GALNT14: variants seen among roughly 807,000 people sequenced by gnomAD.
GALNT14 encodes polypeptide N-acetylgalactosaminyltransferase 14, also known as UDP-GalNAc:polypeptide N-acetylgalactosaminyltransferase 14.
In GALNT14, 60 loss-of-function variants were observed where a neutral mutation model predicts 77.5. The ratio of observed to expected loss-of-function variants is 0.77; its 90% CI spans 0.63 to 0.96. GALNT14 has a LOEUF of 0.96. Among genes scored for constraint, GALNT14 ranks in the 40% least tolerant of loss-of-function variants. The probability of loss-of-function intolerance (pLI) is 0.00; values close to 1 mark genes in which losing one functional copy is unlikely to be tolerated. For synonymous variants in GALNT14, 280 were observed against 281.7 expected (o/e 0.99, Z 0.06); for missense variants, 710 against 731.0 (o/e 0.97, Z 0.33).
intron 10 of GALNT14, 112 bp from the exon 11 acceptor site, chr2:30,929,599 G>GTGTT: frequency 1.4e-6 from 1 of 730,004 alleles, no homozygotes; most frequent in Non-Finnish European, 2.4e-6. Flanking sequence ...CACCTAGGTG[G>GTGTT]GGGCCACCAT....
intron 3 of GALNT14, 42 bp downstream of exon 3, chr2:30,966,162 G>A (rs1667990056): frequency 6.6e-7 from 1 of 1,517,018 alleles, no homozygotes; most frequent in Non-Finnish European, 9.1e-7. Flanking sequence ...GTCACCAAGT[G>A]CTGGCCCAGA....
At chr2:31,054,642 T>C (rs1298981142) in intron 1 of GALNT14, among the ~76,000 whole-genome samples, 1 of 152,202 alleles carries the variant, frequency 6.6e-6, no homozygotes, top group Admixed American at 6.5e-5. Context: ...TTGAATGTCA[T>C]AACAGGTCAC....
At chr2:30,990,645 G>C (rs1299874667) in intron 2 of GALNT14, among the ~76,000 whole-genome samples, 1 of 152,194 alleles carries the variant, frequency 6.6e-6, no homozygotes, top group African/African-American at 2.4e-5. Context: ...TGCTAGCCTG[G>C]GGCTTTGCAC....
chr2:30,895,720 G>C, the GALNT14 span, among the ~76,000 whole-genome samples: 2 of 152,048 alleles, frequency 1.3e-5, no homozygotes, highest in East Asian at 3.9e-4. Context: ...TGTGCCCCTT[G>C]TTCTCAAGCA....
At chr2:30,997,756 A>G (rs1670125944) in intron 1 of GALNT14, among the ~76,000 whole-genome samples, 1 of 152,238 alleles carries the variant, frequency 6.6e-6, no homozygotes, top group South Asian at 2.1e-4. Flanking sequence ...GTTTTGTTAC[A>G]TGTAGACACT....
chr2:31,123,757 C>T (rs1370963893), intron 1 of GALNT14, among the ~76,000 whole-genome samples: 7 of 152,130 alleles, frequency 4.6e-5, no homozygotes, highest in African/African-American at 7.2e-5. Flanking sequence ...TGCAGAACAA[C>T]GCCTGGTAAA....
intron 1 of GALNT14, among the ~76,000 whole-genome samples, chr2:31,090,481 CTTTTTTTTTTTTT>C (rs70962302): frequency 6.4e-5 from 6 of 93,258 alleles, no homozygotes; most frequent in African/African-American, 1.3e-4. Context: ...GTCCCTTCAT[CTTTTTTTTTTTTT>C]TTTTTTTTTT....
At chr2:30,887,750 G>C in the GALNT14 span, among the ~76,000 whole-genome samples, 2 of 152,126 alleles carry the variant, frequency 1.3e-5, no homozygotes, top group Non-Finnish European at 2.9e-5. Flanking sequence ...TGTTGCTCAT[G>C]CTTTTGATGT....
At chr2:30,961,321 A>G (rs925902167) in intron 3 of GALNT14, among the ~76,000 whole-genome samples, 2 of 152,198 alleles carry the variant, frequency 1.3e-5, no homozygotes, top group Admixed American at 1.3e-4. Context: ...CGCTCCATAA[A>G]TACCAGTAGA....
At chr2:31,136,264 C>CACCCACAAGA (rs1679225262) in intron 1 of GALNT14, among the ~76,000 whole-genome samples, 2 of 149,914 alleles carry the variant, frequency 1.3e-5, no homozygotes, top group African/African-American at 5.1e-5. Context: ...CCTCCCTAAA[C>CACCCACAAGA]TTTATCCCTC....
intron 1 of GALNT14, among the ~76,000 whole-genome samples, chr2:31,071,651 G>T (rs577549704): frequency 2.0e-5 from 3 of 152,170 alleles, no homozygotes; most frequent in African/African-American, 7.2e-5. Context: ...CCAGGAATCT[G>T]CCCCCCGGTT....
At chr2:31,079,344 T>G (rs1435294010) in intron 1 of GALNT14, among the ~76,000 whole-genome samples, 2 of 152,202 alleles carry the variant, frequency 1.3e-5, no homozygotes, top group Admixed American at 1.3e-4. Flanking sequence ...TGCACCTGAA[T>G]GTGTGTTCAG....
chr2:30,939,724 T>C (rs974065020), intron 9 of GALNT14, among the ~76,000 whole-genome samples: 2 of 152,110 alleles, frequency 1.3e-5, no homozygotes, highest in Admixed American at 1.3e-4. Flanking sequence ...CTGAGGGCAG[T>C]TGATCTGCAG....
intron 6 of GALNT14, among the ~76,000 whole-genome samples, chr2:30,950,072 T>C (rs1182674703): frequency 3.3e-5 from 5 of 152,198 alleles, no homozygotes; most frequent in Non-Finnish European, 5.9e-5. Context: ...AGACAAATTA[T>C]TATTTGCAAA....
intron 2 of GALNT14, among the ~76,000 whole-genome samples, chr2:30,979,253 G>T (rs903484667): frequency 6.6e-6 from 1 of 152,220 alleles, no homozygotes; most frequent in African/African-American, 2.4e-5. Context: ...ATATCTCAGG[G>T]AGCAAGAGAT....
At chr2:31,047,178 G>A (rs1254184907) in intron 1 of GALNT14, among the ~76,000 whole-genome samples, 1 of 152,154 alleles carries the variant, frequency 6.6e-6, no homozygotes, top group Non-Finnish European at 1.5e-5. Context: ...GACAGCAGGT[G>A]GTTGAGAACA....
intron 1 of GALNT14, among the ~76,000 whole-genome samples, chr2:31,000,662 T>C (rs4952021): frequency 0.32 from 47,990 of 152,084 alleles, 8,113 homozygotes; most frequent in African/African-American, 0.43. Context: ...GTCAGTTTTG[T>C]TCTTTTAAGA....
At chr2:31,084,825 G>T (rs1024414271) in intron 1 of GALNT14, among the ~76,000 whole-genome samples, 2 of 152,128 alleles carry the variant, frequency 1.3e-5, no homozygotes, top group Non-Finnish European at 2.9e-5. Context: ...AGGAGTTCGA[G>T]ACCAGCCTAG....
At chr2:31,072,286 C>T (rs1233533254) in intron 1 of GALNT14, among the ~76,000 whole-genome samples, 3 of 112,502 alleles carry the variant, frequency 2.7e-5, no homozygotes, top group Non-Finnish European at 4.8e-5. Flanking sequence ...CACACATACA[C>T]ACACACACAC....
Sources: gnomAD v4.1 joint callset for allele counts (sites outside exome capture counted in the v4.1 genomes callset) on GRCh38, gnomAD v4.1.1 for gene constraint, MANE v1.5 for transcripts, NCBI Gene and HGNC (gene_info 2026-07-23, HGNC 2026-07-21) for gene names.